ZDHHC14: variants seen among roughly 807,000 people sequenced by gnomAD.
ZDHHC14 encodes zDHHC palmitoyltransferase 14.
In ZDHHC14, 16 loss-of-function variants were observed where a neutral mutation model predicts 47.7. The ratio of observed to expected loss-of-function variants is 0.34; its 90% CI spans 0.23 to 0.51. The LOEUF (loss-of-function observed/expected upper bound fraction) is 0.51, where lower values mean the gene tolerates loss of function less well. Ranked by LOEUF, ZDHHC14 falls within the 20% of genes least tolerant of loss-of-function variation. The probability of loss-of-function intolerance (pLI) is 0.97; values close to 1 mark genes in which losing one functional copy is unlikely to be tolerated. For missense variants in ZDHHC14, 515 were observed against 662.5 expected (o/e 0.78, Z 2.44); for synonymous variants, 293 against 278.9 (o/e 1.05, Z -0.50).
At chr6:157,669,407 A>G in intron 8 of ZDHHC14, among the ~76,000 whole-genome samples, 1 of 152,164 alleles carries the variant, frequency 6.6e-6, no homozygotes, top group East Asian at 1.9e-4. Flanking sequence ...CAGAGGGTTG[A>G]GGCGAGCCCA....
chr6:157,403,423 C>A (rs1328233131), intron 1 of ZDHHC14, among the ~76,000 whole-genome samples: 1 of 152,036 alleles, frequency 6.6e-6, no homozygotes, highest in South Asian at 2.1e-4. Context: ...AATGTTTTAC[C>A]CTTACTCAAC....
At chr6:157,531,469 C>T (rs899658149) in intron 1 of ZDHHC14, among the ~76,000 whole-genome samples, 1 of 152,012 alleles carries the variant, frequency 6.6e-6, no homozygotes, top group Non-Finnish European at 1.5e-5. Flanking sequence ...GCCTCTGACA[C>T]CCCCTCCAGA....
chr6:157,396,805 G>A (rs767356414), intron 1 of ZDHHC14, among the ~76,000 whole-genome samples: 1 of 152,122 alleles, frequency 6.6e-6, no homozygotes, highest in Non-Finnish European at 1.5e-5. Flanking sequence ...TTATTACTTA[G>A]GATTAACAGT....
In ZDHHC14 at chr6:157,617,086, C is replaced by G. The variant is rs183052476; in HGVS notation, c.566-11263C>G. 2.6e-5 allele frequency among the ~76,000 whole-genome samples: 4 copies of G among 152,328 alleles called. No individual in the cohort carries two copies. In the East Asian group the frequency reaches 7.7e-4, roughly 29 times the overall value. ...CATGGAAAGAACCCTCCAGGTGAAT[C>G]TGAGCATATACAGGGGAACACCTGT... On this transcript the variant is annotated intron_variant, in intron 3 of 8. Coordinates refer to ENST00000359775, the MANE Select transcript of ZDHHC14 (RefSeq NM_024630.3).
intron 1 of ZDHHC14, among the ~76,000 whole-genome samples, chr6:157,521,527 G>A (rs998064389): frequency 6.6e-6 from 1 of 152,216 alleles, no homozygotes; most frequent in African/African-American, 2.4e-5. Flanking sequence ...CCCACTTTCT[G>A]GTTCAAAGAT....
At chr6:157,395,211 A>C (rs1583608256) in intron 1 of ZDHHC14, among the ~76,000 whole-genome samples, 1 of 151,284 alleles carries the variant, frequency 6.6e-6, no homozygotes. Context: ...CCCAGGCTAG[A>C]ATGTAGTGGC....
At chr6:157,453,044 C>A (rs1358774868) in intron 1 of ZDHHC14, among the ~76,000 whole-genome samples, 1 of 147,346 alleles carries the variant, frequency 6.8e-6, no homozygotes, top group African/African-American at 2.4e-5. Context: ...CTCTTCTTTT[C>A]CCCACCCTTC....
In ZDHHC14 at chr6:157,416,030, A is replaced by T. The variant is rs149237321; in HGVS notation, c.245+33764A>T. Among the ~76,000 whole-genome samples, 1,031 of 152,336 alleles carry T rather than the reference A, an allele frequency of 6.8e-3. 21 individuals carry two copies. The highest frequency in any genetic ancestry group is 0.024 in the African/African-American group (980 of 41,586). ...CTTTAAAAGTAAACCTGGGAGGCCA[A>T]GCAGAACCTGGATCTTCCCAAAGTT... On this transcript the variant is annotated intron_variant, in intron 1 of 8. Coordinates refer to ENST00000359775, the MANE Select transcript of ZDHHC14 (RefSeq NM_024630.3).
chr6:157,481,317 G>A (rs1040066325), intron 1 of ZDHHC14, among the ~76,000 whole-genome samples: 1 of 152,144 alleles, frequency 6.6e-6, no homozygotes, highest in African/African-American at 2.4e-5. Context: ...TTTTTTGGAA[G>A]TCTACACAGA....
Position 157,381,481 on chromosome 6 carries a change from GC to G in ZDHHC14, c.-538del. On this transcript the variant is annotated 5_prime_UTR_variant, in exon 1 of 9. Transcript: ENST00000359775. ...GGGGTTGCCGGTGCCGCGCGCGGCC[GC>G]CCAGTCGCCAGCGCTCTCTCCTGGG... 1 of 365,834 alleles carries G rather than the reference GC, an allele frequency of 2.7e-6. No individual in the cohort carries two copies. Among genetic ancestry groups the G allele is most frequent in the Non-Finnish European group, 5.5e-6 (1 of 180,488 alleles). The allele number at this position is 365,834 out of a possible 1,614,324, so 22.7% of individuals were successfully genotyped here.
At chr6:157,419,982 T>C (rs1778062971) in intron 1 of ZDHHC14, among the ~76,000 whole-genome samples, 1 of 152,256 alleles carries the variant, frequency 6.6e-6, no homozygotes, top group African/African-American at 2.4e-5. Context: ...TTAGCCATGC[T>C]AGTAAATGTG....
At chr6:157,528,722 A>G (rs1781255633) in intron 1 of ZDHHC14, among the ~76,000 whole-genome samples, 1 of 151,918 alleles carries the variant, frequency 6.6e-6, no homozygotes, top group Non-Finnish European at 1.5e-5. Context: ...ACAGAGCAAG[A>G]CTTCATCTCA....
In ZDHHC14 at chr6:157,510,529, G is replaced by C. The variant is rs903942814; in HGVS notation, c.246-32056G>C. 6.6e-5 allele frequency among the ~76,000 whole-genome samples: 10 copies of C among 152,128 alleles called. No homozygotes were observed. In the South Asian group the frequency reaches 1.0e-3, roughly 16 times the overall value. The stretch of plus-strand genomic sequence containing the variant: ...CAAGTCCCTCAGTGCTGGACAGGTG[G>C]GCCACTGCCCTCTTCTGGAACTTTC... On this transcript the variant is annotated intron_variant, in intron 1 of 8. Transcript: ENST00000359775.
At chr6:157,621,222 A>T (rs1409918746) in intron 3 of ZDHHC14, among the ~76,000 whole-genome samples, 3 of 152,174 alleles carry the variant, frequency 2.0e-5, no homozygotes, top group Non-Finnish European at 4.4e-5. Flanking sequence ...GCATAATTTT[A>T]TGAATTATGT....
At chr6:157,409,077 C>T (rs1777822220) in intron 1 of ZDHHC14, among the ~76,000 whole-genome samples, 1 of 152,346 alleles carries the variant, frequency 6.6e-6, no homozygotes, top group African/African-American at 2.4e-5. Flanking sequence ...ACTTGCATCT[C>T]ATTTGCTCGA....
chr6:157,639,088 G>C (rs1308771568), intron 5 of ZDHHC14, among the ~76,000 whole-genome samples: 1 of 152,258 alleles, frequency 6.6e-6, no homozygotes, highest in Non-Finnish European at 1.5e-5. Flanking sequence ...TCAACATGTG[G>C]TCTGCCCTGC....
At chr6:157,670,143 C>G (rs966459359) in intron 8 of ZDHHC14, among the ~76,000 whole-genome samples, 1 of 152,220 alleles carries the variant, frequency 6.6e-6, no homozygotes, top group African/African-American at 2.4e-5. Flanking sequence ...AAGGGACCTG[C>G]ACCCTGAGCT....
intron 8 of ZDHHC14, among the ~76,000 whole-genome samples, chr6:157,668,777 T>G (rs1778665658): frequency 6.6e-6 from 1 of 152,184 alleles, no homozygotes; most frequent in Non-Finnish European, 1.5e-5. Context: ...CACACCTTCT[T>G]CAAGTCCTTA....
At chr6:157,630,643 TACAC>T (rs1043380549) in intron 4 of ZDHHC14, 5 of 140,172 alleles carry the variant, frequency 3.6e-5, no homozygotes, top group African/African-American at 1.1e-4. Flanking sequence ...CATGTACCCT[TACAC>T]ACCCACACTC....
Sources: gnomAD v4.1 joint callset for allele counts (sites outside exome capture counted in the v4.1 genomes callset) on GRCh38, gnomAD v4.1.1 for gene constraint, MANE v1.5 for transcripts, NCBI Gene and HGNC (gene_info 2026-07-23, HGNC 2026-07-21) for gene names.